Variants in CAST observed in about 807,000 individuals in gnomAD.
CAST encodes the protein calpastatin.
Under a neutral mutation model 119.6 loss-of-function variants are expected in CAST, and 76 were observed. The observed-to-expected ratio is 0.64, with a 90% CI of 0.53 to 0.77. CAST has a LOEUF of 0.77. Among genes scored for constraint, CAST ranks in the 30% least tolerant of loss-of-function variants. The probability of loss-of-function intolerance (pLI) is 0.00; values close to 1 mark genes in which losing one functional copy is unlikely to be tolerated. For missense variants in CAST, 953 were observed against 946.5 expected (o/e 1.01, Z -0.09); for synonymous variants, 319 against 331.6 (o/e 0.96, Z 0.41).
chr5:96,574,833 G>A (rs1360413673), intron 1 of CAST, among the ~76,000 whole-genome samples: 4 of 152,066 alleles, frequency 2.6e-5, no homozygotes, highest in Admixed American at 6.5e-5. Flanking sequence ...TGCACCATAC[G>A]AAACAGCACA....
chr5:96,453,888 G>T, the CAST span, among the ~76,000 whole-genome samples: 1 of 148,890 alleles, frequency 6.7e-6, no homozygotes, highest in East Asian at 1.9e-4. Context: ...GCTCTAGCCA[G>T]ATTGGAAGAA....
intron 1 of CAST, among the ~76,000 whole-genome samples, chr5:96,589,112 T>TAA (rs71617128): frequency 6.6e-6 from 1 of 151,936 alleles, no homozygotes; most frequent in African/African-American, 2.4e-5. Flanking sequence ...ATTCAGAAAA[T>TAA]GATTTAATTT....
the CAST span, among the ~76,000 whole-genome samples, chr5:96,348,399 A>C: frequency 6.6e-6 from 1 of 151,880 alleles, no homozygotes; most frequent in African/African-American, 2.4e-5. Context: ...AGAGAGAGAG[A>C]GAGAGGGAGA....
At chr5:96,111,409 G>C in the CAST span, among the ~76,000 whole-genome samples, 3 of 152,102 alleles carry the variant, frequency 2.0e-5, no homozygotes, top group African/African-American at 7.2e-5. Flanking sequence ...TATTATGTAG[G>C]CATGATTGAT....
the CAST span, among the ~76,000 whole-genome samples, chr5:96,339,989 T>C: frequency 6.6e-6 from 1 of 152,100 alleles, no homozygotes; most frequent in Admixed American, 6.5e-5. Flanking sequence ...CCCTAGACAC[T>C]TAAAAGTCTT....
the CAST span, among the ~76,000 whole-genome samples, chr5:96,195,076 G>A: frequency 1.3e-5 from 2 of 152,220 alleles, no homozygotes; most frequent in Non-Finnish European, 2.9e-5. Flanking sequence ...AATAATCCTT[G>A]TTATGCCAGA....
At chr5:96,720,546 A>G (rs1758050168) in intron 3 of CAST, among the ~76,000 whole-genome samples, 1 of 152,216 alleles carries the variant, frequency 6.6e-6, no homozygotes, top group African/African-American at 2.4e-5. Flanking sequence ...TAAAATGGTT[A>G]GTGCCTTAGT....
intron 1 of CAST, among the ~76,000 whole-genome samples, chr5:96,618,316 G>T (rs1486036241): frequency 6.6e-6 from 1 of 152,230 alleles, no homozygotes; most frequent in South Asian, 2.1e-4. Context: ...ATCCTGGTTT[G>T]CCTGGTATTC....
intron 1 of CAST, among the ~76,000 whole-genome samples, chr5:96,530,330 T>A (rs899054643): frequency 6.6e-6 from 1 of 152,006 alleles, no homozygotes; most frequent in African/African-American, 2.4e-5. Flanking sequence ...GGAAACAGGA[T>A]GTGAAAAGAC....
chr5:96,706,374 G>A (rs1754976878), intron 3 of CAST, among the ~76,000 whole-genome samples: 1 of 152,090 alleles, frequency 6.6e-6, no homozygotes, highest in Admixed American at 6.5e-5. Flanking sequence ...ACAGAGGTAT[G>A]GCCCATATAA....
chr5:96,228,003 C>G, the CAST span, among the ~76,000 whole-genome samples: 18,977 of 146,582 alleles, frequency 0.13, 1,341 homozygotes, highest in East Asian at 0.24. Context: ...CTTTCTCTCT[C>G]TGTGTGTGTG....
chr5:96,430,769 G>T, the CAST span, among the ~76,000 whole-genome samples: 1 of 152,106 alleles, frequency 6.6e-6, no homozygotes, highest in African/African-American at 2.4e-5. Flanking sequence ...AACTAAAAAT[G>T]GTTAGAGGAA....
At chr5:96,072,532 G>A in the CAST span, among the ~76,000 whole-genome samples, 1 of 152,116 alleles carries the variant, frequency 6.6e-6, no homozygotes, top group Admixed American at 6.6e-5. Flanking sequence ...AAACCCATTT[G>A]TCTCTTTAAA....
At chr5:96,390,421 G>T in the CAST span, 1 of 152,126 alleles carries the variant, frequency 6.6e-6, no homozygotes, top group African/African-American at 2.4e-5. Flanking sequence ...ACATATTCTG[G>T]TCAATACATC....
At chr5:96,464,909 C>T in the CAST span, among the ~76,000 whole-genome samples, 2 of 152,020 alleles carry the variant, frequency 1.3e-5, no homozygotes, top group Admixed American at 6.6e-5. Context: ...TGTTATTCCA[C>T]TTAAATCTTA....
At chr5:96,439,061 T>C in the CAST span, among the ~76,000 whole-genome samples, 190 of 152,324 alleles carry the variant, frequency 1.2e-3, 1 homozygote, top group Non-Finnish European at 2.0e-3. Context: ...AATATACTGA[T>C]ATATTTCCAT....
the CAST span, chr5:96,426,077 GAGA>G: frequency 8.9e-6 from 6 of 676,688 alleles, no homozygotes; most frequent in South Asian, 6.4e-5. Context: ...GCACCTCAGT[GAGA>G]AGAAGGGATT....
chr5:96,404,593 A>G, the CAST span, among the ~76,000 whole-genome samples: 5 of 152,202 alleles, frequency 3.3e-5, no homozygotes, highest in Admixed American at 1.3e-4. Flanking sequence ...TAAGAAACTC[A>G]TAAATGCATG....
At chr5:96,382,905 C>T in the CAST span, among the ~76,000 whole-genome samples, 1 of 152,102 alleles carries the variant, frequency 6.6e-6, no homozygotes, top group South Asian at 2.1e-4. Context: ...TCTGGCTTCC[C>T]AATTTCTAAT....
Sources: gnomAD v4.1 joint callset for allele counts (sites outside exome capture counted in the v4.1 genomes callset) on GRCh38, gnomAD v4.1.1 for gene constraint, MANE v1.5 for transcripts, NCBI Gene and HGNC (gene_info 2026-07-23, HGNC 2026-07-21) for gene names.